Variants in DTNB observed in about 807,000 individuals in gnomAD.
The protein encoded by DTNB is dystrobrevin beta, also known as DTN-B.
A neutral mutation model predicts 90.7 loss-of-function variants in DTNB; 63 were observed. The observed-to-expected ratio is 0.69, with a 90% CI of 0.57 to 0.86. The LOEUF (loss-of-function observed/expected upper bound fraction) is 0.86. Ranked by LOEUF, DTNB falls within the 40% of genes least tolerant of loss-of-function variation. The pLI is 0.00. For missense variants in DTNB, 744 were observed against 807.1 expected, an observed-to-expected ratio of 0.92 and a Z score of 0.95; for synonymous variants, 277 against 286.7, an observed-to-expected ratio of 0.97 and a Z score of 0.34.
intron 6 of DTNB, among the ~76,000 whole-genome samples, chr2:25,590,954 T>C (rs2063450603): frequency 6.6e-6 from 1 of 152,238 alleles, no homozygotes; most frequent in African/African-American, 2.4e-5. Flanking sequence ...CAAGCTGCCC[T>C]CAGGCCCGTG....
chr2:25,504,408 AAAGAAAAGAAAG>A (rs1260974477), intron 9 of DTNB, among the ~76,000 whole-genome samples: 2 of 150,448 alleles, frequency 1.3e-5, no homozygotes, highest in Admixed American at 6.6e-5. Context: ...GGAAGGAAAG[AAAGAAAAGAAAG>A]AAGGAAAGAA....
At chr2:25,529,021 T>G (rs2077653133) in intron 9 of DTNB, among the ~76,000 whole-genome samples, 1 of 152,194 alleles carries the variant, frequency 6.6e-6, no homozygotes, top group African/African-American at 2.4e-5. Flanking sequence ...CAAAATGTTA[T>G]GAGGAACTCA....
chr2:25,602,762 C>G lies in DTNB; in HGVS notation c.448+4474G>C, dbSNP rs76364687. Among the ~76,000 whole-genome samples, 146 of 151,966 alleles carry G rather than the reference C, an allele frequency of 9.6e-4. 3 individuals are homozygous for G. In the East Asian group the frequency reaches 0.025, roughly 26 times the overall value. On this transcript the variant is annotated intron_variant, in intron 5 of 20. Transcript: ENST00000406818. ...ATTGTGTTAGAACCCAGAGAAAAACCCCTGTTATTATTTTGGTATATTTCT... is the reference window on the plus strand; with the variant it reads ...ATTGTGTTAGAACCCAGAGAAAAACGCCTGTTATTATTTTGGTATATTTCT...
intron 1 of DTNB, among the ~76,000 whole-genome samples, chr2:25,654,189 C>T (rs145472376): frequency 1.8e-4 from 27 of 152,324 alleles, no homozygotes; most frequent in African/African-American, 6.3e-4. Context: ...GTACTCCTTC[C>T]ACTTTAAAGC....
intron 10 of DTNB, among the ~76,000 whole-genome samples, chr2:25,477,474 T>C (rs928159964): frequency 6.6e-5 from 10 of 152,332 alleles, no homozygotes; most frequent in African/African-American, 2.4e-4. Flanking sequence ...AAATATGCTA[T>C]GATAAAATCT....
At chr2:25,462,330 G>A (rs1321982345) in intron 10 of DTNB, among the ~76,000 whole-genome samples, 2 of 152,028 alleles carry the variant, frequency 1.3e-5, no homozygotes, top group African/African-American at 2.4e-5. Flanking sequence ...GATGAAGAGT[G>A]AGCAATAGCG....
intron 2 of DTNB, chr2:25,650,061 G>A (rs985780325): frequency 1.0e-6 from 1 of 985,402 alleles, no homozygotes; most frequent in Non-Finnish European, 1.2e-6. Flanking sequence ...TAAGTCAGAG[G>A]ATGATAATTC....
intron 10 of DTNB, among the ~76,000 whole-genome samples, chr2:25,456,395 A>G (rs1409575390): frequency 9.2e-5 from 14 of 152,180 alleles, no homozygotes; most frequent in Admixed American, 7.2e-4. Flanking sequence ...TATCACACCT[A>G]AAAACACAGA....
At chr2:25,379,496 C>G (rs377478255) in intron 19 of DTNB, 173 bp from the exon 20 acceptor site, 3 of 736,780 alleles carry the variant, frequency 4.1e-6, no homozygotes, top group East Asian at 3.4e-5. Context: ...TAGAGTCATA[C>G]TTTCTACTAC....
Position 25,451,532 on chromosome 2 carries a change from T to C in DTNB, c.1257+16A>G. 1.9e-6 allele frequency: 3 copies of C among 1,598,520 alleles called. No individual in the cohort carries two copies. The highest frequency in any genetic ancestry group is 2.6e-6 in the Non-Finnish European group (3 of 1,172,244). On this transcript the variant is annotated intron_variant, in intron 12 of 20. Transcript: ENST00000406818. ...GCTAATTTCTGCTACTCTCCTGGGATCCTCCATTAACTTACCACGTTTCCT... is the reference window on the plus strand; with the variant it reads ...GCTAATTTCTGCTACTCTCCTGGGACCCTCCATTAACTTACCACGTTTCCT...
intron 8 of DTNB, among the ~76,000 whole-genome samples, chr2:25,563,887 T>TTTTTTTC (rs1031326670): frequency 3.9e-5 from 6 of 152,200 alleles, no homozygotes; most frequent in Non-Finnish European, 8.8e-5. Context: ...TGCTATTCTT[T>TTTTTTTC]TTTTTTCTTT....
intron 6 of DTNB, among the ~76,000 whole-genome samples, chr2:25,581,382 A>C (rs577368693): frequency 6.8e-6 from 1 of 147,774 alleles, no homozygotes; most frequent in East Asian, 1.9e-4. Context: ...CATTGACAGA[A>C]GAGAAAACAG....
intron 4 of DTNB, among the ~76,000 whole-genome samples, chr2:25,622,994 T>A (rs1042477048): frequency 1.3e-5 from 2 of 151,950 alleles, no homozygotes; most frequent in African/African-American, 4.8e-5. Context: ...GAAAGGCAGA[T>A]CAATAAACTC....
chr2:25,435,276 C>T (rs1437324621), intron 12 of DTNB, among the ~76,000 whole-genome samples: 1 of 152,216 alleles, frequency 6.6e-6, no homozygotes, highest in African/African-American at 2.4e-5. Flanking sequence ...CCACCTTGGC[C>T]TCCCAAAGTC....
chr2:25,453,244 T>C (rs1447918023), intron 11 of DTNB, among the ~76,000 whole-genome samples: 2 of 152,236 alleles, frequency 1.3e-5, no homozygotes, highest in Non-Finnish European at 2.9e-5. Context: ...TTGTCATTTA[T>C]ACATGAGTGT....
At chr2:25,638,908 C>T (rs1222309138) in intron 3 of DTNB, 106 bp downstream of exon 3, 3 of 1,162,974 alleles carry the variant, frequency 2.6e-6, no homozygotes, top group Non-Finnish European at 3.5e-6. Flanking sequence ...ATACTTAAGA[C>T]AAAAATAATT....
chr2:25,631,855 G>A (rs888979157), intron 3 of DTNB, among the ~76,000 whole-genome samples: 5 of 152,092 alleles, frequency 3.3e-5, no homozygotes, highest in Non-Finnish European at 7.4e-5. Flanking sequence ...CCACTGATGA[G>A]AGAATATGTT....
intron 9 of DTNB, among the ~76,000 whole-genome samples, chr2:25,519,054 C>T (rs981323098): frequency 3.3e-5 from 5 of 152,068 alleles, no homozygotes; most frequent in African/African-American, 7.2e-5. Flanking sequence ...ATGTCACCAA[C>T]GGTAAGTTTT....
At chr2:25,393,191 AC>A (rs762289632) in intron 16 of DTNB, among the ~76,000 whole-genome samples, 3 of 152,204 alleles carry the variant, frequency 2.0e-5, no homozygotes, top group Non-Finnish European at 4.4e-5. Context: ...TCGCTTTATG[AC>A]TAAAACCCTC....
Sources: gnomAD v4.1 joint callset for allele counts (sites outside exome capture counted in the v4.1 genomes callset) on GRCh38, gnomAD v4.1.1 for gene constraint, MANE v1.5 for transcripts, NCBI Gene and HGNC (gene_info 2026-07-23, HGNC 2026-07-21) for gene names.